The following COG5 variants were observed in gnomAD, a reference collection of about 807,000 sequenced individuals.
The protein encoded by COG5 is conserved oligomeric Golgi complex subunit 5.
COG5 carries 86 observed loss-of-function variants against 110.4 expected under a neutral mutation model. That is an observed-to-expected ratio of 0.78 (90% CI 0.65 to 0.93). The LOEUF is 0.93. Among genes scored for constraint, COG5 ranks in the 40% least tolerant of loss-of-function variants. COG5 has a pLI of 0.00. For synonymous variants in COG5, 360 were observed against 334.6 expected (o/e 1.08, Z -0.83); for missense variants, 1,077 against 987.0 (o/e 1.09, Z -1.22).
chr7:107,258,673 T>G, intron 14 of COG5: 1 of 402,350 alleles, frequency 2.5e-6, no homozygotes, highest in Non-Finnish European at 4.5e-6. Flanking sequence ...GATGGACTCT[T>G]GAGGCAGGTG....
chr7:107,272,265 G>A (rs1315605344), intron 14 of COG5, among the ~76,000 whole-genome samples: 1 of 152,162 alleles, frequency 6.6e-6, no homozygotes, highest in Non-Finnish European at 1.5e-5. Context: ...GTCTCCTTTG[G>A]AGAGGCTATT....
At chr7:107,228,374 T>C (rs529171128) in intron 19 of COG5, among the ~76,000 whole-genome samples, 1 of 152,106 alleles carries the variant, frequency 6.6e-6, no homozygotes, top group East Asian at 1.9e-4. Flanking sequence ...CTCATACCTT[T>C]TTCAATAACT....
At chr7:107,458,476 G>T (rs1401487514) in intron 6 of COG5, among the ~76,000 whole-genome samples, 3 of 152,206 alleles carry the variant, frequency 2.0e-5, no homozygotes, top group Non-Finnish European at 4.4e-5. Flanking sequence ...CATTATACAT[G>T]ATGTGCTATT....
chr7:107,401,682 A>G (rs917682755), intron 7 of COG5, among the ~76,000 whole-genome samples: 6 of 152,220 alleles, frequency 3.9e-5, no homozygotes, highest in African/African-American at 1.4e-4. Context: ...TAAAAACAAT[A>G]CTGGGACCAA....
intron 10 of COG5, among the ~76,000 whole-genome samples, chr7:107,335,194 A>G (rs754225610): frequency 2.0e-5 from 3 of 152,202 alleles, no homozygotes; most frequent in Non-Finnish European, 2.9e-5. Context: ...GTTCAAGACC[A>G]GCCTGGCCAA....
At chr7:107,509,828 C>A (rs1275160524) in intron 6 of COG5, among the ~76,000 whole-genome samples, 6 of 150,904 alleles carry the variant, frequency 4.0e-5, no homozygotes, top group African/African-American at 9.9e-5. Context: ...GAAATAAAAT[C>A]CTTTACAGAC....
chr7:107,505,986 A>C (rs1055991062), intron 6 of COG5, among the ~76,000 whole-genome samples: 2 of 152,162 alleles, frequency 1.3e-5, no homozygotes, highest in African/African-American at 4.8e-5. Flanking sequence ...GGGTGGCAGG[A>C]AAGTGACACA....
intron 6 of COG5, among the ~76,000 whole-genome samples, chr7:107,481,264 G>A (rs541892530): frequency 6.6e-6 from 1 of 152,300 alleles, no homozygotes; most frequent in Non-Finnish European, 1.5e-5. Context: ...TTCTCAGGAT[G>A]AAGAGAGAAA....
At chr7:107,425,152 T>A (rs774044984) in intron 6 of COG5, among the ~76,000 whole-genome samples, 3 of 152,018 alleles carry the variant, frequency 2.0e-5, no homozygotes, top group African/African-American at 4.8e-5. Flanking sequence ...CTAAAACCCA[T>A]GGAACACACT....
intron 5 of COG5, among the ~76,000 whole-genome samples, chr7:107,529,920 C>T (rs941835619): frequency 6.6e-6 from 1 of 152,102 alleles, no homozygotes; most frequent in African/African-American, 2.4e-5. Context: ...ATTATCAGCA[C>T]CTTCCCTGTT....
chr7:107,404,079 T>C (rs1156825170), intron 7 of COG5, among the ~76,000 whole-genome samples: 1 of 152,116 alleles, frequency 6.6e-6, no homozygotes, highest in East Asian at 1.9e-4. Flanking sequence ...CTGAAGACAA[T>C]GAAGATGGAG....
intron 5 of COG5, among the ~76,000 whole-genome samples, chr7:107,533,114 G>A (rs2129162026): frequency 6.6e-6 from 1 of 150,772 alleles, no homozygotes; most frequent in Admixed American, 6.6e-5. Flanking sequence ...CTAATAAACT[G>A]AAAGCAATAG....
intron 5 of COG5, among the ~76,000 whole-genome samples, chr7:107,534,526 T>A (rs921721148): frequency 6.7e-6 from 1 of 148,724 alleles, no homozygotes; most frequent in African/African-American, 2.5e-5. Context: ...AATCCTAGTC[T>A]CTGACTGTTT....
At chr7:107,522,959 C>G (rs1468410534) in intron 6 of COG5, among the ~76,000 whole-genome samples, 1 of 152,178 alleles carries the variant, frequency 6.6e-6, no homozygotes, top group Non-Finnish European at 1.5e-5. Context: ...ATTCCTCCAA[C>G]TCTGTTTTCT....
intron 12 of COG5, among the ~76,000 whole-genome samples, chr7:107,289,143 A>AT (rs1158524310): frequency 5.3e-5 from 8 of 151,208 alleles, no homozygotes; most frequent in Non-Finnish European, 1.0e-4. Context: ...CTTGTTTTAT[A>AT]TTTTTAATCT....
At position 107,403,899 on chromosome 7, in the gene COG5, C is replaced by CTAT. The variant is rs113864164; in HGVS notation, c.669+8600_669+8602dup. Among the ~76,000 whole-genome samples, 267 of 151,226 alleles carry CTAT rather than the reference C, an allele frequency of 1.8e-3. 2 individuals are homozygous for CTAT. Among genetic ancestry groups the CTAT allele is most frequent in the Admixed American group, 4.1e-3 (62 of 15,174 alleles). On this transcript the variant is annotated intron_variant, in intron 7 of 21. Transcript: ENST00000297135. ...ATCTGCAAATTACAGTTAGGTGACT[C>CTAT]TATTATTATTATTATTATTATTACT...
At chr7:107,352,855 A>G (rs912379094) in intron 10 of COG5, among the ~76,000 whole-genome samples, 8 of 152,180 alleles carry the variant, frequency 5.3e-5, no homozygotes, top group African/African-American at 1.9e-4. Context: ...AAATCAAAGT[A>G]TCATATCTAT....
At chr7:107,360,466 C>T (rs1366468197) in intron 10 of COG5, among the ~76,000 whole-genome samples, 1 of 152,198 alleles carries the variant, frequency 6.6e-6, no homozygotes, top group Non-Finnish European at 1.5e-5. Context: ...TTCTGGGCAA[C>T]AAGAAGGAGA....
At chr7:107,282,069 T>A (rs1167907240) in intron 13 of COG5, among the ~76,000 whole-genome samples, 1 of 149,446 alleles carries the variant, frequency 6.7e-6, no homozygotes, top group East Asian at 2.0e-4. Flanking sequence ...TTAAAAATAA[T>A]ATAGAAACCC....
Sources: allele counts gnomAD v4.1 joint callset (sites outside exome capture counted in the v4.1 genomes callset), GRCh38; gene constraint gnomAD v4.1.1; transcripts MANE v1.5; gene names NCBI Gene and HGNC (gene_info 2026-07-23, HGNC 2026-07-21).